Variants in PLCG2 observed in about 807,000 individuals in gnomAD.
PLCG2 encodes phospholipase C gamma 2.
PLCG2 carries 69 observed loss-of-function variants against 175.6 expected under a neutral mutation model. That is an observed-to-expected ratio of 0.39 (90% CI 0.32 to 0.48). The LOEUF is 0.48. Among genes scored for constraint, PLCG2 ranks in the 20% least tolerant of loss-of-function variants. PLCG2 has a pLI of 0.91. For missense variants in PLCG2, 1,798 were observed against 1,650.9 expected (o/e 1.09, Z -1.54); for synonymous variants, 827 against 624.0 (o/e 1.33, Z -4.85).
intron 2 of PLCG2, among the ~76,000 whole-genome samples, chr16:81,793,515 A>C (rs561108149): frequency 1.3e-5 from 2 of 152,264 alleles, no homozygotes; most frequent in South Asian, 2.1e-4. Flanking sequence ...CGTCCATCTC[A>C]ACTGTGTAGG....
At chr16:81,837,321 C>G (rs1000850195) in intron 2 of PLCG2, among the ~76,000 whole-genome samples, 1 of 152,198 alleles carries the variant, frequency 6.6e-6, no homozygotes, top group Non-Finnish European at 1.5e-5. Flanking sequence ...GAATTGTGGT[C>G]CCAGCTGGCT....
At chr16:81,800,665 C>CTATTATTAT (rs59716859) in intron 2 of PLCG2, among the ~76,000 whole-genome samples, 1 of 151,100 alleles carries the variant, frequency 6.6e-6, no homozygotes, top group Admixed American at 6.6e-5. Flanking sequence ...GATACTATTG[C>CTATTATTAT]TATTATTATT....
chr16:81,812,647 G>T (rs546548972), intron 2 of PLCG2, among the ~76,000 whole-genome samples: 107 of 152,270 alleles, frequency 7.0e-4, no homozygotes, highest in Non-Finnish European at 1.2e-3. Flanking sequence ...TGCTCACTCT[G>T]ATGATAGTTT....
chr16:81,749,904 A>T (rs1203479620), intron 1 of PLCG2, among the ~76,000 whole-genome samples: 6 of 152,196 alleles, frequency 3.9e-5, no homozygotes, highest in Non-Finnish European at 7.3e-5. Flanking sequence ...CAGCTGCTTC[A>T]CTTAAGTGTA....
chr16:81,781,182 C>A (rs961856320), intron 1 of PLCG2, among the ~76,000 whole-genome samples: 3 of 152,202 alleles, frequency 2.0e-5, no homozygotes, highest in African/African-American at 7.2e-5. Context: ...TAAATAGTAA[C>A]CACTCTCCTG....
intron 9 of PLCG2, 33 bp downstream of exon 9, chr16:81,883,374 A>T: frequency 6.4e-7 from 1 of 1,566,558 alleles, no homozygotes; most frequent in Non-Finnish European, 8.8e-7. Context: ...TGCCTGAGGG[A>T]GCTGGCGGGA....
chr16:81,820,277 G>A (rs117471231), intron 2 of PLCG2, among the ~76,000 whole-genome samples: 1 of 152,276 alleles, frequency 6.6e-6, no homozygotes, highest in Non-Finnish European at 1.5e-5. Context: ...TCGCAGGAGA[G>A]AGGGTTCCCT....
chr16:81,958,998 G>C lies in PLCG2; in HGVS notation c.*1000G>C, dbSNP rs1321151800. The stretch of plus-strand genomic sequence containing the variant: ...AAATGCAGCCATCTCCCTTGGGGCA[G>C]ATCTACCTAGTTCATGACAGTATGT... On this transcript the variant is annotated 3_prime_UTR_variant, in exon 33 of 33. Transcript: ENST00000564138. 4.5e-6 allele frequency: 1 copy of C among 223,702 alleles called. No homozygotes were observed. Among genetic ancestry groups the C allele is most frequent in the Non-Finnish European group, 8.9e-6 (1 of 112,110 alleles). 13.9% of individuals were successfully genotyped at this position (223,702 alleles called of 1,614,324 possible). A position where few individuals can be genotyped will look rare whatever the true frequency, so the allele number is the denominator to read the frequency against.
rs112469001 is a variant in PLCG2 at position 81,933,677 on chromosome 16, G to T, written c.2740-752G>T. ...CCTGTCAGGGTGTGGATTGACTTAG[G>T]TAATATCCCTCAAGTGCTTAGCCTG... On this transcript the variant is annotated intron_variant, in intron 25 of 32. Transcript: ENST00000564138. Among the ~76,000 whole-genome samples the T allele has an allele frequency of 1.3e-3, 195 of 152,156 alleles. 1 individual carries two copies. The highest frequency in any genetic ancestry group is 4.6e-3 in the African/African-American group (190 of 41,518).
intron 2 of PLCG2, among the ~76,000 whole-genome samples, chr16:81,814,540 C>T (rs569191481): frequency 1.8e-4 from 28 of 152,080 alleles, no homozygotes; most frequent in African/African-American, 2.9e-4. Context: ...TAAAACAATA[C>T]GAAAATTAGC....
At chr16:81,830,342 G>C (rs1051240451) in intron 2 of PLCG2, among the ~76,000 whole-genome samples, 3 of 152,086 alleles carry the variant, frequency 2.0e-5, no homozygotes, top group African/African-American at 4.8e-5. Flanking sequence ...GTCTTGCTCT[G>C]TGGCCCAGGC....
chr16:81,749,753 G>C (rs1329210703), intron 1 of PLCG2, among the ~76,000 whole-genome samples: 1 of 152,208 alleles, frequency 6.6e-6, no homozygotes, highest in Non-Finnish European at 1.5e-5. Context: ...GTTTTGGTAT[G>C]TGTCCAGCAT....
chr16:81,787,707 C>T (rs1911044898), intron 2 of PLCG2, among the ~76,000 whole-genome samples: 1 of 152,046 alleles, frequency 6.6e-6, no homozygotes, highest in African/African-American at 2.4e-5. Context: ...GATGAAACCC[C>T]ATACCTTTCA....
chr16:81,908,289 G>A (rs1412547710), intron 16 of PLCG2, 127 bp from the exon 17 acceptor site: 10 of 807,436 alleles, frequency 1.2e-5, no homozygotes, highest in Non-Finnish European at 1.8e-5. Context: ...TTCGGGTGGG[G>A]ACCAGCTGAG....
intron 2 of PLCG2, among the ~76,000 whole-genome samples, chr16:81,853,594 C>T (rs1906531772): frequency 6.6e-6 from 1 of 152,128 alleles, no homozygotes; most frequent in African/African-American, 2.4e-5. Context: ...GGTTTGCGCC[C>T]CTATGAGAAT....
chr16:81,851,892 G>A (rs1243457555), intron 2 of PLCG2, among the ~76,000 whole-genome samples: 2 of 152,186 alleles, frequency 1.3e-5, no homozygotes, highest in African/African-American at 4.8e-5. Context: ...AGCTTTGAGT[G>A]CATCCCATCC....
intron 2 of PLCG2, among the ~76,000 whole-genome samples, chr16:81,764,161 G>A (rs1910096322): frequency 6.6e-6 from 1 of 151,956 alleles, no homozygotes; most frequent in Non-Finnish European, 1.5e-5. Flanking sequence ...AGGTGTGATG[G>A]TGTGAGCCTG....
At position 81,773,664 on chromosome 16, in the gene PLCG2, A is replaced by G. The variant is rs563229785; in HGVS notation, c.-47-12279A>G. ...GGTCCGCATGTTGAGAGTTCATTGCAATGTAGTGACTACTGAGTCAGCTCC... is the reference window on the plus strand; with the variant it reads ...GGTCCGCATGTTGAGAGTTCATTGCGATGTAGTGACTACTGAGTCAGCTCC... On this transcript the variant is annotated intron_variant, in intron 2 of 5. Transcript: ENST00000565054. Among the ~76,000 whole-genome samples, 12 of 152,288 alleles carry G rather than the reference A, an allele frequency of 7.9e-5. No homozygotes were observed. In the East Asian group the frequency reaches 2.3e-3, roughly 29 times the overall value.
intron 1 of PLCG2, among the ~76,000 whole-genome samples, chr16:81,741,844 C>T (rs1229445674): frequency 6.6e-6 from 1 of 152,136 alleles, no homozygotes; most frequent in African/African-American, 2.4e-5. Context: ...GAGTCATTAT[C>T]ATATCCATCA....
Sources: gnomAD v4.1 joint callset for allele counts (sites outside exome capture counted in the v4.1 genomes callset) on GRCh38, gnomAD v4.1.1 for gene constraint, MANE v1.5 for transcripts, NCBI Gene and HGNC (gene_info 2026-07-23, HGNC 2026-07-21) for gene names.